CDYL: variants seen among roughly 807,000 people sequenced by gnomAD.
CDYL encodes chromodomain Y-like protein.
CDYL carries 8 observed loss-of-function variants against 47.3 expected under a neutral mutation model. That is an observed-to-expected ratio of 0.17 (90% CI 0.10 to 0.31). The LOEUF (loss-of-function observed/expected upper bound fraction) is 0.31, where lower values mean the gene tolerates loss of function less well. Ranked by LOEUF, CDYL falls within the 10% of genes least tolerant of loss-of-function variation. The pLI, the probability that CDYL is intolerant of heterozygous loss-of-function variation, is 1.00. For missense variants in CDYL, 471 were observed against 701.4 expected (o/e 0.67, Z 3.71); for synonymous variants, 266 against 265.0 (o/e 1.00, Z -0.04).
At chr6:4,825,294 T>C (rs1161377429) in intron 1 of CDYL, among the ~76,000 whole-genome samples, 1 of 152,222 alleles carries the variant, frequency 6.6e-6, no homozygotes, top group African/African-American at 2.4e-5. Flanking sequence ...TTATTAGCTT[T>C]AGTAGCATTC....
intron 3 of CDYL, among the ~76,000 whole-genome samples, chr6:4,770,374 C>G (rs1758321259): frequency 6.6e-6 from 1 of 152,088 alleles, no homozygotes; most frequent in Admixed American, 6.5e-5. Context: ...ATAAAAATGC[C>G]CACTCCAAAG....
intron 1 of CDYL, among the ~76,000 whole-genome samples, chr6:4,860,702 G>A (rs1012841227): frequency 1.3e-5 from 2 of 150,800 alleles, no homozygotes; most frequent in East Asian, 1.9e-4. Context: ...ACAAGGTCCC[G>A]CAATAGCCAG....
intron 1 of CDYL, among the ~76,000 whole-genome samples, chr6:4,873,147 T>C (rs1761522452): frequency 6.6e-6 from 1 of 152,234 alleles, no homozygotes; most frequent in South Asian, 2.1e-4. Flanking sequence ...AGTGGTTTTA[T>C]TTGTACCAGA....
chr6:4,953,508 C>T (rs1348334321), intron 6 of CDYL, among the ~76,000 whole-genome samples: 1 of 152,108 alleles, frequency 6.6e-6, no homozygotes, highest in African/African-American at 2.4e-5. Context: ...AGACAAGCAA[C>T]CCTCATTATG....
chr6:4,912,078 C>CAT (rs1757429735), intron 2 of CDYL, among the ~76,000 whole-genome samples: 1 of 152,150 alleles, frequency 6.6e-6, no homozygotes, highest in Non-Finnish European at 1.5e-5. Flanking sequence ...AATTGACATC[C>CAT]ATATGGAGCT....
chr6:4,835,144 G>C (rs1042608165), intron 1 of CDYL, among the ~76,000 whole-genome samples: 13 of 152,186 alleles, frequency 8.5e-5, no homozygotes, highest in African/African-American at 2.9e-4. Flanking sequence ...GAGGAGAGGT[G>C]CTCTGCTTTT....
chr6:4,907,773 G>A (rs1377291843), intron 2 of CDYL, among the ~76,000 whole-genome samples: 1 of 152,194 alleles, frequency 6.6e-6, no homozygotes, highest in Non-Finnish European at 1.5e-5. Context: ...ATAAAACTTA[G>A]CACATTGTGG....
chr6:4,726,522 ACT>A (rs1379537625), intron 2 of CDYL, among the ~76,000 whole-genome samples: 1 of 134,126 alleles, frequency 7.5e-6, no homozygotes, highest in Non-Finnish European at 1.6e-5. Flanking sequence ...ACAGGGCGAG[ACT>A]CTGTCTCAAA....
intron 1 of CDYL, among the ~76,000 whole-genome samples, chr6:4,821,754 G>T (rs555831384): frequency 6.6e-6 from 1 of 151,382 alleles, no homozygotes; most frequent in East Asian, 2.0e-4. Flanking sequence ...AAAAAAAAGC[G>T]ATCCTTGGGT....
intron 3 of CDYL, among the ~76,000 whole-genome samples, chr6:4,751,250 T>C (rs114714962): frequency 6.6e-6 from 1 of 152,208 alleles, no homozygotes; most frequent in Admixed American, 6.5e-5. Context: ...ATATACTTGC[T>C]ATACAAACTG....
At chr6:4,759,606 G>T (rs1012186176) in intron 3 of CDYL, among the ~76,000 whole-genome samples, 1 of 151,800 alleles carries the variant, frequency 6.6e-6, no homozygotes, top group Admixed American at 6.6e-5. Flanking sequence ...GACTTGGTGG[G>T]TGCAGTGGCT....
intron 1 of CDYL, among the ~76,000 whole-genome samples, chr6:4,881,050 A>T (rs574672685): frequency 6.6e-6 from 1 of 152,162 alleles, no homozygotes; most frequent in South Asian, 2.1e-4. Flanking sequence ...CTGTGTCTTT[A>T]TGTGGCATCA....
At chr6:4,762,409 A>G (rs1363185555) in intron 3 of CDYL, among the ~76,000 whole-genome samples, 2 of 152,166 alleles carry the variant, frequency 1.3e-5, no homozygotes, top group Non-Finnish European at 2.9e-5. Context: ...AATAAAAAAT[A>G]ATCAGACACA....
At chr6:4,780,707 A>G (rs1758595329) in intron 1 of CDYL, among the ~76,000 whole-genome samples, 1 of 152,220 alleles carries the variant, frequency 6.6e-6, no homozygotes, top group South Asian at 2.1e-4. Context: ...AAGCAATTCT[A>G]CAAAACGTTT....
intron 1 of CDYL, among the ~76,000 whole-genome samples, chr6:4,777,970 G>A: frequency 6.6e-6 from 1 of 152,158 alleles, no homozygotes; most frequent in East Asian, 1.9e-4. Context: ...TACCTTAGCT[G>A]GTACTGAAAA....
chr6:4,944,705 G>T (rs1409803844), intron 5 of CDYL, among the ~76,000 whole-genome samples: 1 of 152,234 alleles, frequency 6.6e-6, no homozygotes, highest in Non-Finnish European at 1.5e-5. Flanking sequence ...TAACTTGCAG[G>T]CCAGAACCTG....
chr6:4,837,491 G>A lies in CDYL; in HGVS notation c.25-54222G>A, dbSNP rs531917668. Among the ~76,000 whole-genome samples, 414 of 145,512 alleles carry A rather than the reference G, an allele frequency of 2.8e-3. 4 individuals carry two copies. Among genetic ancestry groups the A allele is most frequent in the Non-Finnish European group, 4.7e-3 (317 of 66,844 alleles). ...GTTTTTTTTTTTTTTTGGAGACAGA[G>A]TCTTGCTCTGTCGCCCAGGCTGGAG... On this transcript the variant is annotated intron_variant, in intron 1 of 6. Transcript: ENST00000397588.
chr6:4,765,211 A>G (rs1178004801), intron 3 of CDYL, among the ~76,000 whole-genome samples: 1 of 152,056 alleles, frequency 6.6e-6, no homozygotes, highest in Non-Finnish European at 1.5e-5. Flanking sequence ...AATCCCAGCT[A>G]CTTAGGGAGG....
intron 1 of CDYL, among the ~76,000 whole-genome samples, chr6:4,821,736 G>A (rs78057841): frequency 0.035 from 5,174 of 147,192 alleles, 306 homozygotes; most frequent in African/African-American, 0.13. Flanking sequence ...ACTGTATCTC[G>A]GGGGAAAAAA....
Sources: gnomAD v4.1 joint callset for allele counts (sites outside exome capture counted in the v4.1 genomes callset) on GRCh38, gnomAD v4.1.1 for gene constraint, MANE v1.5 for transcripts, NCBI Gene and HGNC (gene_info 2026-07-23, HGNC 2026-07-21) for gene names.